The following KDM6A variants were observed in gnomAD, a reference collection of about 807,000 sequenced individuals.
KDM6A encodes lysine-specific demethylase 6A.
A neutral mutation model predicts 117.6 loss-of-function variants in KDM6A; 11 were observed. The observed-to-expected ratio is 0.09, with a 90% CI of 0.06 to 0.15. KDM6A has a LOEUF of 0.15. Ranked by LOEUF, KDM6A falls within the 10% of genes least tolerant of loss-of-function variation. The pLI is 1.00. For synonymous variants in KDM6A, 384 were observed against 396.1 expected (o/e 0.97, Z 0.36); for missense variants, 799 against 1,077.3 (o/e 0.74, Z 3.62).
intron 27 of KDM6A, among the ~76,000 whole-genome samples, chrX:45,091,900 G>A (rs943293287): frequency 6.3e-5 from 7 of 111,377 alleles, no homozygotes; most frequent in African/African-American, 1.3e-4. Flanking sequence ...AATCTAGATC[G>A]AAACTTTTAT....
At chrX:45,042,455 C>T (rs986803958) in intron 8 of KDM6A, among the ~76,000 whole-genome samples, 5 of 110,938 alleles carry the variant, frequency 4.5e-5, no homozygotes, top group African/African-American at 1.7e-4. Flanking sequence ...TATGGATTTT[C>T]ATTTTCAAGT....
chrX:45,029,460 A>C (rs1393531397), intron 6 of KDM6A, among the ~76,000 whole-genome samples: 4 of 108,950 alleles, frequency 3.7e-5, no homozygotes, highest in Non-Finnish European at 7.6e-5. Context: ...ATACATACAA[A>C]ATTTAGTCGA....
At chrX:45,041,163 C>T (rs1446102401) in intron 8 of KDM6A, among the ~76,000 whole-genome samples, 2 of 80,499 alleles carry the variant, frequency 2.5e-5, no homozygotes, top group Non-Finnish European at 4.6e-5. Flanking sequence ...GGCGGCTGGC[C>T]GGGCAGGGGG....
chrX:45,020,571 G>T (rs756330588), intron 5 of KDM6A, 39 bp from the exon 6 acceptor site: 34 of 1,186,281 alleles, frequency 2.9e-5, no homozygotes, highest in Non-Finnish European at 3.5e-5. Flanking sequence ...TCATGCACGT[G>T]TTAAAAAGTT....
At chrX:44,946,798 T>C (rs1011623372) in intron 2 of KDM6A, among the ~76,000 whole-genome samples, 1 of 111,503 alleles carries the variant, frequency 9.0e-6, no homozygotes, top group African/African-American at 3.3e-5. Flanking sequence ...TGTTAGGTTA[T>C]TGTTTGCCAG....
intron 4 of KDM6A, among the ~76,000 whole-genome samples, chrX:44,990,641 G>A (rs773161496): frequency 2.7e-5 from 3 of 111,312 alleles, no homozygotes; most frequent in East Asian, 2.8e-4. Flanking sequence ...CAAAGTTCTC[G>A]TGCTTCTTAT....
rs368780612 is a variant in KDM6A, at chrX:44,997,168, A to G, written c.385-13793A>G. On this transcript the variant is annotated intron_variant, in intron 4 of 29. Transcript: ENST00000611820. ...GTTCACCAGCTCAGTTAGACCCTATACCTTGTCGCAAGGACAGAGGGTTTC... is the reference window on the plus strand; with the variant it reads ...GTTCACCAGCTCAGTTAGACCCTATGCCTTGTCGCAAGGACAGAGGGTTTC... Among the ~76,000 whole-genome samples the G allele has an allele frequency of 2.4e-4, 27 of 112,109 alleles. No individual in the cohort carries two copies. In the South Asian group the frequency reaches 0.01, roughly 42 times the overall value.
chrX:45,076,680 T>C lies in KDM6A; in HGVS notation c.2859-17T>C, dbSNP rs201108448. The C allele has an allele frequency of 0.02, 104 of 5,321 alleles. No homozygotes were observed. In the East Asian group the frequency reaches 0.36, roughly 18 times the overall value. 0.4% of individuals were successfully genotyped at this position (5,321 alleles called of 1,213,427 possible). On this transcript the variant is annotated splice_polypyrimidine_tract_variant and intron_variant, in intron 18 of 29. Transcript: ENST00000611820. ...AAATAAATGTACAACTGATTATCCC[T>C]TTTTTTTTTTTTCCAGGAATCTAGG...
intron 27 of KDM6A, chrX:45,106,661 G>A: frequency 3.0e-6 from 1 of 338,595 alleles, no homozygotes; most frequent in Non-Finnish European, 5.9e-6. Context: ...TAAGATAATT[G>A]AGCAAACAAC....
chrX:45,020,442 T>C (rs1047508479), intron 5 of KDM6A, among the ~76,000 whole-genome samples, 168 bp from the exon 6 acceptor site: 1 of 111,908 alleles, frequency 8.9e-6, no homozygotes, highest in African/African-American at 3.2e-5. Flanking sequence ...AAAAGGTCCA[T>C]ATGCCCCTTT....
chrX:44,879,501 T>G (rs1270308386), intron 2 of KDM6A, among the ~76,000 whole-genome samples: 1 of 112,522 alleles, frequency 8.9e-6, no homozygotes, highest in East Asian at 2.8e-4. Flanking sequence ...ACTTCACATA[T>G]AATTTTATCA....
chrX:45,038,112 A>G (rs1482617748), intron 8 of KDM6A, among the ~76,000 whole-genome samples: 3 of 110,645 alleles, frequency 2.7e-5, no homozygotes, highest in African/African-American at 9.9e-5. Context: ...AATCCCAGCT[A>G]CTCGGGAGGC....
chrX:45,062,830 T>A (rs1008386674), intron 16 of KDM6A, 82 bp downstream of exon 16: 4 of 618,632 alleles, frequency 6.5e-6, no homozygotes, highest in Non-Finnish European at 1.1e-5. Context: ...AGAGCATGTT[T>A]ATGTTCATTT....
At chrX:45,022,442 C>T (rs767293528) in intron 6 of KDM6A, among the ~76,000 whole-genome samples, 1 of 111,555 alleles carries the variant, frequency 9.0e-6, no homozygotes, top group African/African-American at 3.3e-5. Flanking sequence ...TGATATTTCT[C>T]GTCCCTAGAG....
At chrX:44,907,739 C>A (rs2034813226) in intron 2 of KDM6A, among the ~76,000 whole-genome samples, 1 of 96,341 alleles carries the variant, frequency 1.0e-5, no homozygotes, top group Admixed American at 1.3e-4. Flanking sequence ...TGAGCCACTG[C>A]TTCTGGCCTC....
intron 27 of KDM6A, among the ~76,000 whole-genome samples, chrX:45,093,808 G>A (rs1219400804): frequency 9.0e-6 from 1 of 111,256 alleles, no homozygotes; most frequent in African/African-American, 3.3e-5. Context: ...AAGTTGTCTT[G>A]TGTTGAGGTT....
intron 2 of KDM6A, among the ~76,000 whole-genome samples, chrX:44,908,507 A>C (rs1320281161): frequency 9.0e-6 from 1 of 111,515 alleles, no homozygotes; most frequent in Non-Finnish European, 1.9e-5. Flanking sequence ...TGTGTTGTCA[A>C]CCCAAGGGCC....
At position 44,969,741 on chromosome X, in the gene KDM6A, A is replaced by C. The variant is rs868705372; in HGVS notation, c.335-4925A>C. Among the ~76,000 whole-genome samples the C allele has an allele frequency of 3.6e-5, 4 of 111,481 alleles. No individual in the cohort carries two copies. In the South Asian group the frequency reaches 1.5e-3, roughly 42 times the overall value. ...CTCTCTTTTTGTCTTTTGTGGGTTG[A>C]ATGACAGTACTCTATCCTGGAATAT... On this transcript the variant is annotated intron_variant, in intron 3 of 29. Coordinates refer to ENST00000611820, the MANE Select transcript of KDM6A (RefSeq NM_001291415.2).
At chrX:44,966,138 T>TA (rs1403844338) in intron 3 of KDM6A, among the ~76,000 whole-genome samples, 159 of 105,719 alleles carry the variant, frequency 1.5e-3, no homozygotes, top group African/African-American at 2.4e-3. Context: ...ATATATATAT[T>TA]TTTTTTTTAA....
Sources: allele counts gnomAD v4.1 joint callset (sites outside exome capture counted in the v4.1 genomes callset), GRCh38; gene constraint gnomAD v4.1.1; transcripts MANE v1.5; gene names NCBI Gene and HGNC (gene_info 2026-07-23, HGNC 2026-07-21).